FAM210A: variants seen among roughly 807,000 people sequenced by gnomAD.
FAM210A encodes family with sequence similarity 210 member A.
Under a neutral mutation model 25.3 loss-of-function variants are expected in FAM210A, and 13 were observed. The ratio of observed to expected loss-of-function variants is 0.51; its 90% CI spans 0.33 to 0.82. FAM210A has a LOEUF of 0.82. Ranked by LOEUF, FAM210A falls within the 40% of genes least tolerant of loss-of-function variation. The pLI is 0.02. For missense variants in FAM210A, 319 were observed against 323.2 expected, an observed-to-expected ratio of 0.99 and a Z score of 0.10; for synonymous variants, 125 against 118.7, an observed-to-expected ratio of 1.05 and a Z score of -0.35.
intron 1 of FAM210A, among the ~76,000 whole-genome samples, chr18:13,707,876 G>A (rs1280826300): frequency 2.6e-5 from 4 of 151,916 alleles, no homozygotes; most frequent in East Asian, 1.9e-4. Context: ...TCTCACTTCC[G>A]ATTCCTGTAC....
chr18:13,694,640 G>C (rs1285869964), intron 1 of FAM210A, among the ~76,000 whole-genome samples: 1 of 152,176 alleles, frequency 6.6e-6, no homozygotes, highest in East Asian at 1.9e-4. Context: ...TTAATAAATG[G>C]TGCTGGGAAA....
chr18:13,695,038 C>G (rs980998414), intron 1 of FAM210A, among the ~76,000 whole-genome samples: 1 of 152,130 alleles, frequency 6.6e-6, no homozygotes, highest in Non-Finnish European at 1.5e-5. Context: ...TCAACCCCAT[C>G]AAAAAGTGGG....
At chr18:13,673,440 T>G (rs1787893) in intron 2 of FAM210A, among the ~76,000 whole-genome samples, 104,608 of 115,766 alleles carry the variant, frequency 0.9, 47,234 homozygotes, top group East Asian at 0.96. Flanking sequence ...TCCAGTTTCC[T>G]GATTATTAAC....
At chr18:13,684,518 T>C (rs369977947) in intron 1 of FAM210A, among the ~76,000 whole-genome samples, 7 of 152,098 alleles carry the variant, frequency 4.6e-5, no homozygotes, top group African/African-American at 9.6e-5. Context: ...AAAGAAGACA[T>C]AACAATCCTA....
At chr18:13,689,918 C>T (rs1025493011) in intron 1 of FAM210A, among the ~76,000 whole-genome samples, 1 of 152,172 alleles carries the variant, frequency 6.6e-6, no homozygotes, top group Non-Finnish European at 1.5e-5. Context: ...CTCACTGGGG[C>T]TTGTCAGACA....
intron 1 of FAM210A, among the ~76,000 whole-genome samples, chr18:13,688,672 G>A (rs1341574335): frequency 1.3e-5 from 2 of 152,266 alleles, no homozygotes; most frequent in Non-Finnish European, 2.9e-5. Flanking sequence ...CACTGGCGGA[G>A]AGCAGCCACC....
chr18:13,697,309 A>C (rs2149063683), intron 1 of FAM210A, among the ~76,000 whole-genome samples: 1 of 151,960 alleles, frequency 6.6e-6, no homozygotes, highest in South Asian at 2.1e-4. Context: ...TACAGATGGC[A>C]AAAAACACAG....
intron 3 of FAM210A, 87 bp from the exon 4 acceptor site, chr18:13,666,800 TA>T: frequency 8.4e-7 from 1 of 1,190,800 alleles, no homozygotes; most frequent in South Asian, 1.4e-5. Context: ...AAATTCTTGG[TA>T]ATAACCCATC....
Position 13,721,058 on chromosome 18 carries a change from T to C in FAM210A, c.-29+5271A>G, listed in dbSNP as rs553220554. On this transcript the variant is annotated intron_variant, in intron 1 of 3. Transcript: ENST00000651643. Reference sequence around the variant, plus strand: ...TCTAATTACATTTTTAACTACCCTATTCCCAAATAAGGTCATACCCTGAGG... The same window carrying C: ...TCTAATTACATTTTTAACTACCCTACTCCCAAATAAGGTCATACCCTGAGG... Among the ~76,000 whole-genome samples, 3 of 152,276 alleles carry C rather than the reference T, an allele frequency of 2.0e-5. No homozygotes were observed. The South Asian group carries it at 6.2e-4, about 32-fold the overall frequency.
At chr18:13,685,408 C>G (rs2043588509) in intron 1 of FAM210A, among the ~76,000 whole-genome samples, 1 of 151,968 alleles carries the variant, frequency 6.6e-6, no homozygotes, top group Non-Finnish European at 1.5e-5. Context: ...GAGTCTAGCA[C>G]CTTTTAAAGG....
At chr18:13,692,867 G>A (rs1403515804) in intron 1 of FAM210A, among the ~76,000 whole-genome samples, 3 of 152,108 alleles carry the variant, frequency 2.0e-5, no homozygotes, top group Non-Finnish European at 2.9e-5. Context: ...ACATTCAAAA[G>A]CTAGCAGAAG....
Position 13,681,949 on chromosome 18 carries a change from G to A in FAM210A, c.129C>T (p.Ser43=). ...GAGGGCCTTGTACCAAAACCACTTTGGATTCAGCATTGTATAAAAGTAAAG... is the reference window on the plus strand; with the variant it reads ...GAGGGCCTTGTACCAAAACCACTTTAGATTCAGCATTGTATAAAAGTAAAG... ...KGPLLLYNAE[S]KVVLVQGPQK... is the part of the protein sequence containing the mutation. Residue 43 remains serine, a synonymous_variant, in exon 2 of 4, where the codon TCC becomes TCT. Coordinates refer to ENST00000651643, the MANE Select transcript of FAM210A (RefSeq NM_152352.4). 6.2e-7 allele frequency: 1 copy of A among 1,614,088 alleles called. No homozygotes were observed. Among genetic ancestry groups the A allele is most frequent in the Non-Finnish European group, 8.5e-7 (1 of 1,180,010 alleles).
intron 1 of FAM210A, among the ~76,000 whole-genome samples, chr18:13,711,384 A>T (rs1186402220): frequency 1.3e-5 from 2 of 152,272 alleles, no homozygotes; most frequent in East Asian, 3.9e-4. Flanking sequence ...TAAAACAAAA[A>T]CAAACAAAAA....
chr18:13,695,191 G>A (rs1448798812), intron 1 of FAM210A, among the ~76,000 whole-genome samples: 2 of 152,142 alleles, frequency 1.3e-5, no homozygotes, highest in Admixed American at 6.5e-5. Flanking sequence ...TTAGAATGGC[G>A]ATCATTAAAA....
At chr18:13,673,137 T>TA (rs2043457406) in intron 2 of FAM210A, among the ~76,000 whole-genome samples, 1 of 151,730 alleles carries the variant, frequency 6.6e-6, no homozygotes, top group African/African-American at 2.4e-5. Flanking sequence ...CCAGTTTCCT[T>TA]ATTAACCTTC....
At chr18:13,677,823 T>A (rs1310820649) in intron 2 of FAM210A, among the ~76,000 whole-genome samples, 1 of 152,090 alleles carries the variant, frequency 6.6e-6, no homozygotes, top group East Asian at 1.9e-4. Flanking sequence ...TCTATTATGA[T>A]AACGGTAGCG....
chr18:13,690,290 G>C (rs2043632271), intron 1 of FAM210A, among the ~76,000 whole-genome samples: 1 of 152,248 alleles, frequency 6.6e-6, no homozygotes, highest in Non-Finnish European at 1.5e-5. Flanking sequence ...TGCAGCTCAA[G>C]AAGGCCTGCC....
chr18:13,726,089 T>G (rs1353984856), intron 1 of FAM210A, among the ~76,000 whole-genome samples: 1 of 152,184 alleles, frequency 6.6e-6, no homozygotes, highest in African/African-American at 2.4e-5. Flanking sequence ...AAAGCAAGAT[T>G]TGCCAGGACA....
At chr18:13,691,157 T>C (rs1415829286) in intron 1 of FAM210A, among the ~76,000 whole-genome samples, 2 of 152,148 alleles carry the variant, frequency 1.3e-5, no homozygotes, top group Non-Finnish European at 2.9e-5. Context: ...AGGGTATCAG[T>C]GATTGAAGAT....
Sources: gnomAD v4.1 joint callset for allele counts (sites outside exome capture counted in the v4.1 genomes callset) on GRCh38, gnomAD v4.1.1 for gene constraint, MANE v1.5 for transcripts, NCBI Gene and HGNC (gene_info 2026-07-23, HGNC 2026-07-21) for gene names.